The following TSHR variants were observed in gnomAD, a reference collection of about 807,000 sequenced individuals.
The protein encoded by TSHR is thyroid stimulating hormone receptor.
A neutral mutation model predicts 64.1 loss-of-function variants in TSHR; 51 were observed. That is an observed-to-expected ratio of 0.80 (90% CI 0.64 to 1.01). The LOEUF (loss-of-function observed/expected upper bound fraction) is 1.01. TSHR is among the 50% of genes least tolerant of loss of function. The pLI, the probability that TSHR is intolerant of heterozygous loss-of-function variation, is 0.00. For missense variants in TSHR, 877 were observed against 942.8 expected (o/e 0.93, Z 0.91); for synonymous variants, 361 against 361.9 (o/e 1.00, Z 0.03).
intron 1 of TSHR, among the ~76,000 whole-genome samples, chr14:80,968,208 T>C (rs1206348141): frequency 6.6e-6 from 1 of 152,168 alleles, no homozygotes. Context: ...AACTGGTAGC[T>C]GCAGCAGGGC....
At chr14:81,050,956 T>G (rs138043848) in intron 1 of TSHR, 41 of 152,338 alleles carry the variant, frequency 2.7e-4, no homozygotes, top group African/African-American at 9.1e-4. Context: ...ATGTTTACAC[T>G]ACATGGTGTA....
At chr14:81,068,145 G>T in intron 2 of TSHR, 109 bp from the exon 3 acceptor site, 1 of 1,002,176 alleles carries the variant, frequency 1.0e-6, no homozygotes, top group Non-Finnish European at 1.5e-6. Flanking sequence ...GGTTGTACAT[G>T]TTGCATGATC....
chr14:81,027,348 T>C (rs1427568306), intron 1 of TSHR, among the ~76,000 whole-genome samples: 1 of 152,094 alleles, frequency 6.6e-6, no homozygotes, highest in African/African-American at 2.4e-5. Context: ...GATTTGAATC[T>C]GTAGAATTAA....
chr14:81,140,059 G>A (rs1341323675), intron 9 of TSHR, among the ~76,000 whole-genome samples, 192 bp downstream of exon 9: 1 of 152,166 alleles, frequency 6.6e-6, no homozygotes, highest in Non-Finnish European at 1.5e-5. Flanking sequence ...GAGAAATAAG[G>A]CAATTGCTGC....
chr14:81,052,127 A>G (rs575860336), intron 1 of TSHR: 7 of 152,262 alleles, frequency 4.6e-5, no homozygotes, highest in African/African-American at 1.7e-4. Context: ...TGCCCAGACC[A>G]ATGTCAAGGA....
At chr14:80,968,936 G>A (rs887437855) in intron 1 of TSHR, among the ~76,000 whole-genome samples, 2 of 152,190 alleles carry the variant, frequency 1.3e-5, no homozygotes, top group Non-Finnish European at 2.9e-5. Context: ...GGAGGAAGAA[G>A]TAATCTTTCT....
At chr14:81,065,513 T>C (rs1034170402) in intron 2 of TSHR, among the ~76,000 whole-genome samples, 10 of 152,140 alleles carry the variant, frequency 6.6e-5, no homozygotes, top group African/African-American at 2.4e-4. Context: ...GACTGAGATA[T>C]AGGAGACACC....
intron 8 of TSHR, among the ~76,000 whole-genome samples, chr14:81,137,823 G>A (rs1271046363): frequency 6.6e-6 from 1 of 152,186 alleles, no homozygotes; most frequent in African/African-American, 2.4e-5. Context: ...TCTTTCAGAT[G>A]AACACACACA....
At chr14:81,084,027 G>A (rs958361009) in intron 3 of TSHR, among the ~76,000 whole-genome samples, 1 of 152,130 alleles carries the variant, frequency 6.6e-6, no homozygotes, top group African/African-American at 2.4e-5. Flanking sequence ...CCCCCAACAC[G>A]TGGGGATTAC....
chr14:81,007,891 T>C (rs1037579621), intron 1 of TSHR, among the ~76,000 whole-genome samples: 2 of 152,216 alleles, frequency 1.3e-5, no homozygotes, highest in African/African-American at 4.8e-5. Context: ...TTAGCGTTCT[T>C]TCTGAACAGA....
rs780286086 is a variant in TSHR at position 81,108,401 on chromosome 14, C to G, written c.641C>G (p.Thr214Arg). The G allele has an allele frequency of 6.2e-7, 1 of 1,613,508 alleles. No individual in the cohort carries two copies. The highest frequency in any genetic ancestry group is 8.5e-7 in the Non-Finnish European group (1 of 1,179,772). ...AVYLNKNKYL[T>R]VIDKDAFGGV... ...TACCTAAACAAGAATAAATACCTGA[C>G]AGTTATTGACAAAGATGCATTTGGA... Residue 214 changes from threonine (T) to arginine (R), a missense_variant, in exon 8 of 10, where the codon ACA becomes AGA. By Grantham distance (71) the Thr-to-Arg change is moderately conservative (BLOSUM62 -1). Transcript: ENST00000298171.
intron 3 of TSHR, among the ~76,000 whole-genome samples, chr14:81,075,250 A>C (rs1368563011): frequency 6.6e-6 from 1 of 152,172 alleles, no homozygotes; most frequent in Non-Finnish European, 1.5e-5. Context: ...CATCCCTCCC[A>C]GCTCCAGAAA....
chr14:81,068,439 TTC>T, intron 3 of TSHR, 111 bp downstream of exon 3: 1 of 934,796 alleles, frequency 1.1e-6, no homozygotes, highest in Non-Finnish European at 1.7e-6. Flanking sequence ...GAGTCAAAAC[TTC>T]TGTTTATGAT....
rs1332336812 is a variant in TSHR, at chr14:81,018,751, A to G, written c.171-43397A>G. ...GAACATAGCACTCAAGCTGGTCCTA[A>G]TCCCACTACATGAATAAGTGAAATA... is the stretch of plus-strand genomic sequence containing the variant. On this transcript the variant is annotated intron_variant, in intron 1 of 9. Transcript: ENST00000298171. Among the ~76,000 whole-genome samples, 3 of 152,188 alleles carry G rather than the reference A, an allele frequency of 2.0e-5. No individual in the cohort carries two copies. The East Asian group carries it at 5.8e-4, about 29-fold the overall frequency.
chr14:81,114,719 T>G (rs1890407649), intron 8 of TSHR, among the ~76,000 whole-genome samples: 1 of 152,210 alleles, frequency 6.6e-6, no homozygotes, highest in Admixed American at 6.5e-5. Context: ...GCTCCACCTC[T>G]GGGGGCAGGG....
At chr14:80,964,814 A>G (rs1198469432) in intron 1 of TSHR, among the ~76,000 whole-genome samples, 2 of 152,240 alleles carry the variant, frequency 1.3e-5, no homozygotes, top group Admixed American at 6.5e-5. Context: ...TTAACAATAA[A>G]TGAAAATCGC....
intron 7 of TSHR, chr14:81,105,087 T>G: frequency 1.0e-6 from 1 of 985,388 alleles, no homozygotes; most frequent in South Asian, 4.7e-5. Context: ...ATAGTTTTTA[T>G]CACTCCTCTC....
At position 80,964,340 on chromosome 14, in the gene TSHR, T is replaced by C. The variant is rs139829127; in HGVS notation, c.170+8490T>C. Among the ~76,000 whole-genome samples the C allele has an allele frequency of 1.4e-4, 22 of 152,374 alleles. No homozygotes were observed. The East Asian group carries it at 3.5e-3, about 24-fold the overall frequency. ...GCTATCCTGGGGCCTAAGTCTATTC[T>C]CTTAGATCACCTCTGATGAAGTAGT... On this transcript the variant is annotated intron_variant, in intron 1 of 9. Transcript: ENST00000298171.
At chr14:81,097,577 C>A (rs929541454) in intron 7 of TSHR, among the ~76,000 whole-genome samples, 1 of 152,182 alleles carries the variant, frequency 6.6e-6, no homozygotes, top group Non-Finnish European at 1.5e-5. Context: ...TCATAGACCA[C>A]ACTTTAAGTA....
Sources: gnomAD v4.1 joint callset for allele counts (sites outside exome capture counted in the v4.1 genomes callset) on GRCh38, gnomAD v4.1.1 for gene constraint, MANE v1.5 for transcripts, NCBI Gene and HGNC (gene_info 2026-07-23, HGNC 2026-07-21) for gene names.